Variants in KCTD8 observed in about 807,000 individuals in gnomAD.
KCTD8 encodes the protein BTB/POZ domain-containing protein KCTD8.
Under a neutral mutation model 31.5 loss-of-function variants are expected in KCTD8, and 27 were observed. The ratio of observed to expected loss-of-function variants is 0.86; its 90% confidence interval spans 0.63 to 1.18. The LOEUF (loss-of-function observed/expected upper bound fraction) is 1.18, where lower values mean the gene tolerates loss of function less well. Among genes scored for constraint, KCTD8 ranks in the 50% most tolerant of loss-of-function variants. The pLI is 0.00. For synonymous variants in KCTD8, 290 were observed against 280.0 expected, an observed-to-expected ratio of 1.04 and a Z score of -0.36; for missense variants, 658 against 647.7, an observed-to-expected ratio of 1.02 and a Z score of -0.17.
At chr4:44,393,977 G>A (rs1037910891) in intron 1 of KCTD8, among the ~76,000 whole-genome samples, 4 of 151,812 alleles carry the variant, frequency 2.6e-5, no homozygotes, top group African/African-American at 9.7e-5. Flanking sequence ...GATAATCTAT[G>A]CATTTTTTGT....
Position 44,417,621 on chromosome 4 carries a change from A to T in KCTD8, c.961+29942T>A, listed in dbSNP as rs933664769. On this transcript the variant is annotated intron_variant, in intron 1 of 1. Coordinates refer to ENST00000360029, the MANE Select transcript of KCTD8 (RefSeq NM_198353.3). ...CTCTTTTATGAAGCCCAAAATATAG[A>T]TAAACAATATGCTGTTTGCCTGTTT... Among the ~76,000 whole-genome samples, 32 of 111,792 alleles carry T rather than the reference A, an allele frequency of 2.9e-4. 9 individuals carry two copies. Among genetic ancestry groups the T allele is most frequent in the South Asian group, 5.6e-4 (2 of 3,548 alleles). The allele number at this position is 111,792 out of a possible 152,430, so 73.3% of individuals were successfully genotyped here.
intron 1 of KCTD8, among the ~76,000 whole-genome samples, chr4:44,226,688 C>A (rs1200017142): frequency 1.3e-5 from 2 of 152,158 alleles, no homozygotes; most frequent in African/African-American, 2.4e-5. Context: ...TTCTCCACAG[C>A]CTCGCCAAAA....
intron 1 of KCTD8, among the ~76,000 whole-genome samples, chr4:44,323,506 C>CA (rs1472025171): frequency 1.5e-5 from 2 of 134,792 alleles, no homozygotes; most frequent in East Asian, 4.8e-4. Context: ...ACCCACCCCC[C>CA]CCCAAAAAAA....
chr4:44,359,645 C>A (rs1204626043), intron 1 of KCTD8, among the ~76,000 whole-genome samples: 1 of 152,020 alleles, frequency 6.6e-6, no homozygotes, highest in Non-Finnish European at 1.5e-5. Flanking sequence ...TAACTCTCTT[C>A]TTTTGCTCTT....
chr4:44,258,341 T>A (rs1243013575), intron 1 of KCTD8, among the ~76,000 whole-genome samples: 1 of 151,548 alleles, frequency 6.6e-6, no homozygotes, highest in Non-Finnish European at 1.5e-5. Flanking sequence ...CTAGAAAAAA[T>A]TAAATTATAT....
At chr4:44,428,776 G>T (rs1366548898) in intron 1 of KCTD8, among the ~76,000 whole-genome samples, 2 of 151,850 alleles carry the variant, frequency 1.3e-5, no homozygotes, top group African/African-American at 4.8e-5. Context: ...AGAAGGCACA[G>T]AATGGTCACT....
Position 44,194,659 on chromosome 4 carries a change from C to A in KCTD8, c.962-19409G>T, listed in dbSNP as rs549892774. ...CTTCATGTGGTTCAGTGAAAGTAAT[C>A]GGGGTGCCTACTCTTTGTTCACTTT... is the stretch of plus-strand genomic sequence containing the variant. On this transcript the variant is annotated intron_variant, in intron 1 of 1. Coordinates refer to ENST00000360029, the MANE Select transcript of KCTD8 (RefSeq NM_198353.3). Among the ~76,000 whole-genome samples the A allele has an allele frequency of 6.6e-5, 10 of 152,076 alleles. No individual in the cohort carries two copies. In the South Asian group the frequency reaches 2.1e-3, roughly 32 times the overall value.
In KCTD8 at chr4:44,193,876, G is replaced by T. The variant is rs1010935183; in HGVS notation, c.962-18626C>A. On this transcript the variant is annotated intron_variant, in intron 1 of 1. Transcript: ENST00000360029. ...AAAGGCTGTTTTATATTAATTACAA[G>T]AAACATTATAAGAAGCAACTATGGT... Among the ~76,000 whole-genome samples, 6 of 152,010 alleles carry T rather than the reference G, an allele frequency of 3.9e-5. No individual in the cohort carries two copies. In the East Asian group the frequency reaches 9.7e-4, roughly 25 times the overall value.
At chr4:44,282,447 C>A (rs62304825) in intron 1 of KCTD8, among the ~76,000 whole-genome samples, 18,191 of 152,084 alleles carry the variant, frequency 0.12, 1,298 homozygotes, top group East Asian at 0.25. Context: ...TCCTGAGGTA[C>A]AACAATACTG....
At chr4:44,228,358 C>A (rs746106682) in intron 1 of KCTD8, among the ~76,000 whole-genome samples, 33 of 152,110 alleles carry the variant, frequency 2.2e-4, no homozygotes, top group South Asian at 2.1e-4. Context: ...GGATTAGGGT[C>A]TGCCCTTAGG....
At chr4:44,433,113 T>C (rs908733095) in intron 1 of KCTD8, among the ~76,000 whole-genome samples, 3 of 151,756 alleles carry the variant, frequency 2.0e-5, no homozygotes, top group African/African-American at 4.8e-5. Context: ...CTTACACAGA[T>C]ACCTTAAATT....
chr4:44,262,417 G>A (rs140441228), intron 1 of KCTD8, among the ~76,000 whole-genome samples: 4 of 151,926 alleles, frequency 2.6e-5, no homozygotes, highest in African/African-American at 7.2e-5. Context: ...AGAAAATAAC[G>A]ACATGAGCAA....
chr4:44,332,322 G>C (rs1004665898), intron 1 of KCTD8, among the ~76,000 whole-genome samples: 20 of 151,918 alleles, frequency 1.3e-4, no homozygotes, highest in African/African-American at 4.8e-4. Flanking sequence ...TTGGAATTAA[G>C]ATGGAGAAAC....
intron 1 of KCTD8, among the ~76,000 whole-genome samples, chr4:44,302,227 T>C (rs1717648008): frequency 6.6e-6 from 1 of 152,144 alleles, no homozygotes. Context: ...ATATGAACTT[T>C]AAAGTAGTTT....
intron 1 of KCTD8, among the ~76,000 whole-genome samples, chr4:44,239,732 T>G (rs945321745): frequency 3.3e-5 from 5 of 152,200 alleles, no homozygotes; most frequent in African/African-American, 1.2e-4. Flanking sequence ...TAATAGAGAT[T>G]CATCATTCCT....
intron 1 of KCTD8, among the ~76,000 whole-genome samples, chr4:44,433,335 A>G (rs1275429149): frequency 6.6e-6 from 1 of 151,712 alleles, no homozygotes; most frequent in Non-Finnish European, 1.5e-5. Context: ...TGAATTGGAG[A>G]TAAGAGTATA....
At chr4:44,220,428 T>C (rs1409395078) in intron 1 of KCTD8, among the ~76,000 whole-genome samples, 2 of 152,282 alleles carry the variant, frequency 1.3e-5, no homozygotes, top group East Asian at 1.9e-4. Context: ...GAAGGTGTGG[T>C]GGAAGGAACA....
intron 1 of KCTD8, among the ~76,000 whole-genome samples, chr4:44,231,468 A>G (rs1715115784): frequency 1.3e-5 from 2 of 152,198 alleles, no homozygotes; most frequent in African/African-American, 4.8e-5. Context: ...TTCATATTCA[A>G]TCTTGGTTTT....
intron 1 of KCTD8, among the ~76,000 whole-genome samples, chr4:44,311,004 T>C (rs1485505876): frequency 7.0e-6 from 1 of 142,892 alleles, no homozygotes; most frequent in Non-Finnish European, 1.5e-5. Context: ...CTCTCTTCTT[T>C]GTATTTTTTT....
Sources: allele counts gnomAD v4.1 joint callset (sites outside exome capture counted in the v4.1 genomes callset), GRCh38; gene constraint gnomAD v4.1.1; transcripts MANE v1.5; gene names NCBI Gene and HGNC (gene_info 2026-07-23, HGNC 2026-07-21).